Variants in USP48 observed in about 807,000 individuals in gnomAD.
The protein encoded by USP48 is ubiquitin carboxyl-terminal hydrolase 48.
In USP48, 43 loss-of-function variants were observed where a neutral mutation model predicts 150.7. The observed-to-expected ratio is 0.29, with a 90% confidence interval of 0.22 to 0.37. The LOEUF is 0.37. Ranked by LOEUF, USP48 falls within the 10% of genes least tolerant of loss-of-function variation. The pLI is 1.00. For synonymous variants in USP48, 396 were observed against 425.9 expected (o/e 0.93, Z 0.86); for missense variants, 813 against 1,249.6 (o/e 0.65, Z 5.27).
chr1:21,739,456 T>A (rs767988131), intron 8 of USP48, among the ~76,000 whole-genome samples: 1 of 129,324 alleles, frequency 7.7e-6, no homozygotes, highest in African/African-American at 3.0e-5. Context: ...GAGGCGGAGG[T>A]TGCAGTGAGC....
chr1:21,732,227 C>T (rs1031559432), intron 9 of USP48, among the ~76,000 whole-genome samples: 2 of 151,854 alleles, frequency 1.3e-5, no homozygotes, highest in African/African-American at 4.8e-5. Flanking sequence ...TGTGGTGGGC[C>T]AAGATAGCAC....
At chr1:21,723,467 T>C (rs1004227400) in intron 12 of USP48, among the ~76,000 whole-genome samples, 9 of 151,190 alleles carry the variant, frequency 6.0e-5, no homozygotes, top group Non-Finnish European at 1.0e-4. Context: ...TGAGTCGAGA[T>C]TGAGCCACTG....
intron 15 of USP48, among the ~76,000 whole-genome samples, chr1:21,711,931 TAAA>T (rs1310712628): frequency 6.6e-6 from 1 of 152,198 alleles, no homozygotes; most frequent in Non-Finnish European, 1.5e-5. Flanking sequence ...AACAGACAAC[TAAA>T]TACCTAGGCA....
intron 15 of USP48, among the ~76,000 whole-genome samples, chr1:21,708,884 C>CAAAAAAAAAAAAAAAAAAAA (rs1181628764): frequency 1.2e-4 from 2 of 16,594 alleles, no homozygotes; most frequent in African/African-American, 1.6e-4. Context: ...GACTCCGTCT[C>CAAAAAAAAAAAAAAAAAAAA]AAAAAAAAAA....
Position 21,748,075 on chromosome 1 carries a change from T to C in USP48, c.908+63A>G, listed in dbSNP as rs986071643. 2.3e-5 allele frequency: 33 copies of C among 1,441,142 alleles called. No homozygotes were observed. The South Asian group carries it at 2.3e-4, about 10-fold the overall frequency. 89.3% of individuals were successfully genotyped at this position (1,441,142 alleles called of 1,614,324 possible). The stretch of plus-strand genomic sequence containing the variant: ...TACAACCATTTTATCATCTCATCTA[T>C]GGTAAAGTCTGTACATAGTAGACCA... On this transcript the variant is annotated intron_variant, in intron 7 of 26. Transcript: ENST00000308271.
At chr1:21,729,244 T>C (rs1444220294) in intron 10 of USP48, among the ~76,000 whole-genome samples, 2 of 148,116 alleles carry the variant, frequency 1.4e-5, no homozygotes, top group Admixed American at 6.8e-5. Flanking sequence ...ACTGCACCAC[T>C]GCACTCCAGC....
At chr1:21,679,527 A>C in intron 26 of USP48, 88 bp from the exon 27 acceptor site, 1 of 1,512,284 alleles carries the variant, frequency 6.6e-7, no homozygotes, top group South Asian at 1.1e-5. Flanking sequence ...CATCATCAAC[A>C]GGGAGCATCA....
chr1:21,729,143 C>T (rs769006409), intron 10 of USP48, among the ~76,000 whole-genome samples: 4 of 151,990 alleles, frequency 2.6e-5, no homozygotes, highest in South Asian at 4.1e-4. Flanking sequence ...ATTAGCTGGG[C>T]GTGGTGGCAC....
chr1:21,699,206 T>C (rs1229986294), intron 22 of USP48, among the ~76,000 whole-genome samples: 3 of 142,778 alleles, frequency 2.1e-5, no homozygotes, highest in African/African-American at 7.8e-5. Flanking sequence ...TTTTTTTTTT[T>C]TTTTTTTTTT....
intron 11 of USP48, among the ~76,000 whole-genome samples, chr1:21,727,531 A>G (rs766820282): frequency 2.0e-5 from 3 of 152,216 alleles, no homozygotes; most frequent in Non-Finnish European, 4.4e-5. Context: ...TGCCCAGTGG[A>G]CACAGGAAAC....
At chr1:21,688,735 C>T (rs573421089) in intron 24 of USP48, among the ~76,000 whole-genome samples, 1 of 147,854 alleles carries the variant, frequency 6.8e-6, no homozygotes, top group East Asian at 2.1e-4. Flanking sequence ...CCCAGATACT[C>T]GGGAGGCCGC....
intron 6 of USP48, among the ~76,000 whole-genome samples, chr1:21,748,628 A>T (rs938865269): frequency 6.6e-6 from 1 of 152,172 alleles, no homozygotes; most frequent in Non-Finnish European, 1.5e-5. Flanking sequence ...GACAGCAAAA[A>T]GGCTGGGCAA....
intron 1 of USP48, among the ~76,000 whole-genome samples, chr1:21,775,917 G>A (rs1336053041): frequency 6.6e-6 from 1 of 152,090 alleles, no homozygotes; most frequent in African/African-American, 2.4e-5. Flanking sequence ...AAGATTAACT[G>A]TAACAAAAAG....
chr1:21,694,382 C>T (rs991693781), intron 23 of USP48, among the ~76,000 whole-genome samples: 12 of 151,560 alleles, frequency 7.9e-5, no homozygotes, highest in Admixed American at 2.0e-4. Flanking sequence ...ACCAGCCTGG[C>T]CAAGATGGTG....
At chr1:21,681,699 C>T (rs971343920) in intron 25 of USP48, among the ~76,000 whole-genome samples, 3 of 152,146 alleles carry the variant, frequency 2.0e-5, no homozygotes, top group South Asian at 2.1e-4. Context: ...CAGTCTCCAG[C>T]GCTGGCATTA....
chr1:21,694,820 A>G (rs829386), intron 23 of USP48, among the ~76,000 whole-genome samples: 149,635 of 152,182 alleles, frequency 0.98, 73,613 homozygotes, highest in Non-Finnish European at 1. Context: ...GCACAACCTC[A>G]ACATGTGACA....
intron 1 of USP48, among the ~76,000 whole-genome samples, chr1:21,771,855 T>C (rs1049376483): frequency 1.3e-5 from 2 of 151,318 alleles, no homozygotes; most frequent in Admixed American, 6.6e-5. Context: ...GAGGTGGAAG[T>C]TGTGGTGAGC....
chr1:21,705,097 G>A (rs938272367), intron 19 of USP48, among the ~76,000 whole-genome samples: 1 of 152,158 alleles, frequency 6.6e-6, no homozygotes, highest in African/African-American at 2.4e-5. Flanking sequence ...TGATGTTAAA[G>A]TACTGAAATA....
chr1:21,736,282 C>T, intron 9 of USP48, 164 bp downstream of exon 9: 1 of 719,706 alleles, frequency 1.4e-6, no homozygotes, highest in South Asian at 2.1e-5. Context: ...GAAAAACAAG[C>T]ATTGCTAATA....
Sources: gnomAD v4.1 joint callset for allele counts (sites outside exome capture counted in the v4.1 genomes callset) on GRCh38, gnomAD v4.1.1 for gene constraint, MANE v1.5 for transcripts, NCBI Gene and HGNC (gene_info 2026-07-23, HGNC 2026-07-21) for gene names.